Variants in CRAMP1 observed in about 807,000 individuals in gnomAD.
CRAMP1 encodes protein cramped-like.
In CRAMP1, 50 loss-of-function variants were observed where a neutral mutation model predicts 115.4. The observed-to-expected ratio is 0.43, with a 90% confidence interval of 0.35 to 0.55. The LOEUF (loss-of-function observed/expected upper bound fraction) is 0.55. Among genes scored for constraint, CRAMP1 ranks in the 20% least tolerant of loss-of-function variants. The pLI, the probability that CRAMP1 is intolerant of heterozygous loss-of-function variation, is 0.01. For synonymous variants in CRAMP1, 866 were observed against 745.4 expected (o/e 1.16, Z -2.64); for missense variants, 1,679 against 1,721.7 (o/e 0.98, Z 0.44).
chr16:1,624,703 C>T (rs973370606), intron 2 of CRAMP1, among the ~76,000 whole-genome samples: 8 of 152,216 alleles, frequency 5.3e-5, no homozygotes, highest in African/African-American at 1.9e-4. Flanking sequence ...CTCAGCCCCT[C>T]CCGAGTAGCT....
At chr16:1,624,606 G>A (rs929634330) in intron 2 of CRAMP1, among the ~76,000 whole-genome samples, 3 of 149,456 alleles carry the variant, frequency 2.0e-5, no homozygotes, top group African/African-American at 5.0e-5. Flanking sequence ...TTTAGACGCA[G>A]TCTTGCTCTG....
At position 1,677,375 on chromosome 16, in the gene CRAMP1, G is replaced by A. The variant is rs1228842003; in HGVS notation, c.*3330G>A. On this transcript the variant is annotated 3_prime_UTR_variant, in exon 21 of 21. Coordinates refer to ENST00000397412, the MANE Select transcript of CRAMP1 (RefSeq NM_020825.4). ...GGAGAATCACTTGAACCTCAGCGGC[G>A]GAGGTTGCAGTGAGTCGAGATCGCG... is the stretch of plus-strand genomic sequence containing the variant. 1 of 152,258 alleles carries A rather than the reference G, an allele frequency of 6.6e-6. No individual in the cohort carries two copies. Among genetic ancestry groups the A allele is most frequent in the Admixed American group, 6.5e-5 (1 of 15,290 alleles). 9.4% of individuals were successfully genotyped at this position (152,258 alleles called of 1,614,324 possible). A position where few individuals can be genotyped will look rare whatever the true frequency, so the allele number is the denominator to read the frequency against.
chr16:1,673,576 A>C (rs1356311392), intron 20 of CRAMP1, among the ~76,000 whole-genome samples: 2 of 152,170 alleles, frequency 1.3e-5, no homozygotes, highest in African/African-American at 4.8e-5. Flanking sequence ...TCTGCTGCAT[A>C]CAGTCTGTCT....
In CRAMP1 at chr16:1,637,826, T is replaced by G. The variant is rs754756618; in HGVS notation, c.697T>G (p.Phe233Val). 2 of 1,517,190 alleles carry G rather than the reference T, an allele frequency of 1.3e-6. No individual in the cohort carries two copies. Among genetic ancestry groups the G allele is most frequent in the South Asian group, 2.6e-5 (2 of 77,016 alleles). The allele number at this position is 1,517,190 out of a possible 1,614,324, so 94.0% of individuals were successfully genotyped here. The change falls in exon 5 of 21, where the codon TTC becomes GTC. Residue 233 changes from phenylalanine (F) to valine (V), a missense_variant and splice_region_variant. Around this residue, in one of 8 missense-constraint regions of CRAMP1, gnomAD observed 42 missense variants for 42.3 expected, o/e 0.99. Coordinates refer to ENST00000397412, the MANE Select transcript of CRAMP1 (RefSeq NM_020825.4). The part of the protein sequence containing the change: ...ITKYIDFDHV[F>V]SRGLKKSSQE... ...CCGCCTTCTCTTCTGTTTCTCAGTGTTCTCTCGAGGCCTGAAGAAGTCATC... is the reference window on the plus strand; with the variant it reads ...CCGCCTTCTCTTCTGTTTCTCAGTGGTCTCTCGAGGCCTGAAGAAGTCATC...
intron 20 of CRAMP1, among the ~76,000 whole-genome samples, chr16:1,673,424 G>A (rs962104413): frequency 6.6e-6 from 1 of 152,174 alleles, no homozygotes. Context: ...TGATGGAAAC[G>A]TGTCCCCCAC....
intron 6 of CRAMP1, among the ~76,000 whole-genome samples, chr16:1,648,917 G>A (rs548479132): frequency 1.2e-4 from 18 of 152,172 alleles, no homozygotes; most frequent in Non-Finnish European, 2.4e-4. Flanking sequence ...AAATTAGCTG[G>A]GCGTGGTGGC....
At chr16:1,657,993 C>T (rs1280702218) in intron 10 of CRAMP1, among the ~76,000 whole-genome samples, 2 of 152,170 alleles carry the variant, frequency 1.3e-5, no homozygotes, top group African/African-American at 2.4e-5. Flanking sequence ...CTCGGGCGCT[C>T]ACGAGCCCCC....
At chr16:1,631,267 C>T (rs1234657031) in intron 3 of CRAMP1, among the ~76,000 whole-genome samples, 1 of 152,254 alleles carries the variant, frequency 6.6e-6, no homozygotes, top group East Asian at 1.9e-4. Flanking sequence ...TTCTGGGGGT[C>T]ATGGTCCACC....
Position 1,667,392 on chromosome 16 carries a change from A to G in CRAMP1, c.3094A>G (p.Ser1032Gly), listed in dbSNP as rs776441540. 2 of 1,612,610 alleles carry G rather than the reference A, an allele frequency of 1.2e-6. No individual in the cohort carries two copies. Among genetic ancestry groups the G allele is most frequent in the Non-Finnish European group, 1.7e-6 (2 of 1,179,596 alleles). ...GCCTGAGCAGGAGCCAGTGGCAGACAGTTTCCAGGTAGAGTGTGCTCTTGG... is the reference window on the plus strand; with the variant it reads ...GCCTGAGCAGGAGCCAGTGGCAGACGGTTTCCAGGTAGAGTGTGCTCTTGG... The part of the protein sequence containing the change: ...SRPEQEPVAD[S>G]FQGSSVLSLS... The change falls in exon 17 of 21, where the codon AGT becomes GGT. Residue 1032 changes from serine (S) to glycine (G), a missense_variant. By Grantham distance (56) the Ser-to-Gly change is moderately conservative. Around this residue, in one of 8 missense-constraint regions of CRAMP1, gnomAD observed 709 missense variants for 741.9 expected, o/e 0.96. Transcript: ENST00000397412.
At position 1,653,161 on chromosome 16, in the gene CRAMP1, C is replaced by A; in HGVS notation, c.1037+5C>A. ...TGCCCAGAACCCACGCCTCAGGTAA[C>A]ATGGCCCTTGGCACGCAGAGGGGTC... On this transcript the variant is annotated splice_donor_5th_base_variant and intron_variant, in intron 8 of 20. Transcript: ENST00000397412. 1.4e-5 allele frequency: 22 copies of A among 1,607,242 alleles called. No individual in the cohort carries two copies. Among genetic ancestry groups the A allele is most frequent in the Non-Finnish European group, 1.9e-5 (22 of 1,176,866 alleles).
rs1221161281 is a variant in CRAMP1 at position 1,674,087 on chromosome 16, G to A, written c.*42G>A. ...CGGATGAAGCCCTCTTCGAGCTAGA[G>A]AAAAATAGATAAGCCCAGCAGCCCC... On this transcript the variant is annotated 3_prime_UTR_variant, in exon 21 of 21. Coordinates refer to ENST00000397412, the MANE Select transcript of CRAMP1 (RefSeq NM_020825.4). The A allele has an allele frequency of 6.3e-7, 1 of 1,589,666 alleles. No individual in the cohort carries two copies. Among genetic ancestry groups the A allele is most frequent in the Admixed American group, 1.8e-5 (1 of 57,042 alleles).
At chr16:1,626,191 C>A in intron 3 of CRAMP1, 25 bp downstream of exon 3, 1 of 1,458,490 alleles carries the variant, frequency 6.9e-7, no homozygotes, top group East Asian at 2.6e-5. Flanking sequence ...GAGGCACGGC[C>A]AGGCAGCCTG....
rs766728095 is a variant in CRAMP1 at position 1,667,999 on chromosome 16, C to G, written c.3140C>G (p.Ala1047Gly). 62 of 1,613,234 alleles carry G rather than the reference C, an allele frequency of 3.8e-5. No individual in the cohort carries two copies. Among genetic ancestry groups the G allele is most frequent in the Admixed American group, 6.7e-5 (4 of 59,890 alleles). ...CTCTCCTTATCTGAGCTGCCCAAGG[C>G]CCCTCTCCAGAATGGCCTCTCCATA... ...SVLSLSELPK[A>G]PLQNGLSIPL... The change falls in exon 18 of 21, where the codon GCC (alanine) becomes GGC (glycine). Residue 1047 changes from alanine to glycine, a missense_variant. This residue lies in a region of CRAMP1 where 709 missense variants were observed against 741.9 expected (regional missense o/e 0.96). Coordinates refer to ENST00000397412, the MANE Select transcript of CRAMP1 (RefSeq NM_020825.4).
intron 6 of CRAMP1, among the ~76,000 whole-genome samples, chr16:1,642,484 C>A (rs2036640720): frequency 6.6e-6 from 1 of 152,238 alleles, no homozygotes; most frequent in South Asian, 2.1e-4. Context: ...CAGAGTGGGT[C>A]TGGGGTACAG....
intron 10 of CRAMP1, among the ~76,000 whole-genome samples, chr16:1,658,264 G>C (rs2036793524): frequency 6.6e-6 from 1 of 152,170 alleles, no homozygotes; most frequent in Non-Finnish European, 1.5e-5. Context: ...CCAAGCCTGA[G>C]GGTGAAAGTG....
chr16:1,635,047 C>T (rs368149221), intron 4 of CRAMP1, among the ~76,000 whole-genome samples: 1 of 152,110 alleles, frequency 6.6e-6, no homozygotes, highest in Non-Finnish European at 1.5e-5. Flanking sequence ...TACAGGTGTG[C>T]ACCACCACAC....
Position 1,614,424 on chromosome 16 carries a change from C to A in CRAMP1, c.-1-215C>A, listed in dbSNP as rs1357614601. ...CTCGGCCAGGGGGCGTCCGGGGAGG[C>A]CCGGGAGGGTCCCGGGCTGGTGGGC... On this transcript the variant is annotated intron_variant, in intron 1 of 20. Transcript: ENST00000397412. The surrounding 1 kb of genome is among the most constrained non-coding windows in gnomAD (Gnocchi z 4.4). Among the ~76,000 whole-genome samples the A allele has an allele frequency of 2.1e-5, 3 of 145,178 alleles. No individual in the cohort carries two copies. Among genetic ancestry groups the A allele is most frequent in the Non-Finnish European group, 3.1e-5 (2 of 65,298 alleles).
chr16:1,653,383 G>T (rs2036740728), intron 8 of CRAMP1, among the ~76,000 whole-genome samples: 1 of 152,198 alleles, frequency 6.6e-6, no homozygotes, highest in East Asian at 1.9e-4. Flanking sequence ...CCGTGGAGGG[G>T]ATGTCGCGGT....
intron 11 of CRAMP1, among the ~76,000 whole-genome samples, chr16:1,661,910 TACC>T (rs1432160683): frequency 2.0e-5 from 3 of 152,228 alleles, no homozygotes; most frequent in African/African-American, 7.2e-5. Flanking sequence ...CCTGTTCTTT[TACC>T]TCTGGGTCTG....
Sources: allele counts gnomAD v4.1 joint callset (sites outside exome capture counted in the v4.1 genomes callset), GRCh38; gene constraint gnomAD v4.1.1; regional missense constraint gnomAD v4.1.1; non-coding constraint Gnocchi (gnomAD v3.1); transcripts MANE v1.5; gene names NCBI Gene and HGNC (gene_info 2026-07-23, HGNC 2026-07-21).